Variants in DCTN2 observed in about 807,000 individuals in gnomAD.
DCTN2 encodes dynactin subunit 2.
Under a neutral mutation model 55.4 loss-of-function variants are expected in DCTN2, and 18 were observed. The observed-to-expected ratio is 0.32, with a 90% CI of 0.22 to 0.48. The LOEUF (loss-of-function observed/expected upper bound fraction) is 0.48. DCTN2 is among the 20% of genes least tolerant of loss of function. DCTN2 has a pLI of 0.99. For missense variants in DCTN2, 390 were observed against 491.0 expected (o/e 0.79, Z 1.94); for synonymous variants, 168 against 185.2 (o/e 0.91, Z 0.76).
chr12:57,537,117 G>A (rs945542570), intron 2 of DCTN2, among the ~76,000 whole-genome samples: 4 of 151,126 alleles, frequency 2.6e-5, no homozygotes, highest in African/African-American at 9.7e-5. Context: ...GCCAAGGCGG[G>A]TGGATCTCAG....
rs576440173 is a variant in DCTN2, at chr12:57,547,022, A to G, written c.36+6T>C. 1 of 1,289,994 alleles carries G rather than the reference A, an allele frequency of 7.8e-7. No homozygotes were observed. The highest frequency in any genetic ancestry group is 3.4e-5 in the Admixed American group (1 of 29,148). The allele number at this position is 1,289,994 out of a possible 1,614,324, so 79.9% of individuals were successfully genotyped here. A position where few individuals can be genotyped will look rare whatever the true frequency, so the allele number is the denominator to read the frequency against. ...CCTGGGGAGCCGGGGCCGGTCCTGT[A>G]CTCACAATGCCGGGAAGGTCGGCGT... On this transcript the variant is annotated splice_donor_region_variant and intron_variant, in intron 1 of 13. Coordinates refer to ENST00000548249, the MANE Select transcript of DCTN2 (RefSeq NM_001261413.2).
At chr12:57,541,410 G>A in intron 2 of DCTN2, 1 of 1,598,326 alleles carries the variant, frequency 6.3e-7, no homozygotes, top group East Asian at 2.2e-5. Context: ...GGAGGATGGG[G>A]GAAGCATTAG....
chr12:57,540,304 A>G (rs1880593363), intron 2 of DCTN2, among the ~76,000 whole-genome samples: 2 of 152,258 alleles, frequency 1.3e-5, no homozygotes, highest in Non-Finnish European at 2.9e-5. Flanking sequence ...GATTGGGCAG[A>G]ATAGGGAGGA....
intron 3 of DCTN2, 22 bp from the exon 4 acceptor site, chr12:57,535,567 A>G (rs756392546): frequency 6.2e-7 from 1 of 1,613,828 alleles, no homozygotes; most frequent in Non-Finnish European, 8.5e-7. Flanking sequence ...AGAAGATGGA[A>G]CTGAGGGCCT....
rs540228930 is a variant in DCTN2 at position 57,534,498 on chromosome 12, A to G, written c.364-46T>C. On this transcript the variant is annotated intron_variant, in intron 5 of 13. Transcript: ENST00000548249. ...AATCGGGGGATGGCAAGAATGAATCAAGAAGCAAAAAAATAGGTCAAGCCC... is the reference window on the plus strand; with the variant it reads ...AATCGGGGGATGGCAAGAATGAATCGAGAAGCAAAAAAATAGGTCAAGCCC... 1.1e-5 allele frequency: 17 copies of G among 1,550,890 alleles called. No homozygotes were observed. In the Admixed American group the frequency reaches 2.5e-4, roughly 23 times the overall value.
chr12:57,542,169 AG>A (rs533888711), intron 2 of DCTN2, among the ~76,000 whole-genome samples: 3 of 152,016 alleles, frequency 2.0e-5, no homozygotes, highest in Non-Finnish European at 4.4e-5. Flanking sequence ...CCAGCTACTC[AG>A]GAGGCTGAGG....
chr12:57,535,295 C>T, intron 4 of DCTN2, 141 bp from the exon 5 acceptor site: 1 of 973,188 alleles, frequency 1.0e-6, no homozygotes, highest in South Asian at 1.6e-5. Flanking sequence ...GAACTGAGGA[C>T]AGCTAGAGGG....
At chr12:57,542,222 G>C (rs1442708117) in intron 2 of DCTN2, among the ~76,000 whole-genome samples, 1 of 151,788 alleles carries the variant, frequency 6.6e-6, no homozygotes. Flanking sequence ...GTTACAGTGA[G>C]CTGAGATCAC....
chr12:57,546,158 C>T lies in DCTN2; in HGVS notation c.37-62G>A. On this transcript the variant is annotated intron_variant, in intron 1 of 13. Transcript: ENST00000548249. The stretch of plus-strand genomic sequence containing the variant: ...CCAGCATCCAACAACACCCCTTCCC[C>T]CACTCCATTTGAATAAGCTAACAGA... The T allele has an allele frequency of 4.7e-6, 7 of 1,485,910 alleles. No individual in the cohort carries two copies. The South Asian group carries it at 7.9e-5, about 17-fold the overall frequency. 92.0% of individuals were successfully genotyped at this position (1,485,910 alleles called of 1,614,324 possible).
At chr12:57,540,895 A>G (rs1180337719) in intron 2 of DCTN2, among the ~76,000 whole-genome samples, 1 of 152,256 alleles carries the variant, frequency 6.6e-6, no homozygotes, top group Admixed American at 6.5e-5. Context: ...GGGAATATTA[A>G]AATGAGTTTT....
At position 57,532,410 on chromosome 12, in the gene DCTN2, G is replaced by A. The variant is rs1879818049; in HGVS notation, c.925-95C>T. On this transcript the variant is annotated intron_variant, in intron 11 of 13. Coordinates refer to ENST00000548249, the MANE Select transcript of DCTN2 (RefSeq NM_001261413.2). ...TCACCGTAATGGGGGAAAGGATCAA[G>A]TGGGCAGAGGGAAGCAGTGCCCTGA... The A allele has an allele frequency of 3.0e-6, 4 of 1,355,374 alleles. No homozygotes were observed. The Admixed American group carries it at 5.9e-5, about 20-fold the overall frequency. 84.0% of individuals were successfully genotyped at this position (1,355,374 alleles called of 1,614,324 possible). A position where few individuals can be genotyped will look rare whatever the true frequency, so the allele number is the denominator to read the frequency against.
intron 2 of DCTN2, chr12:57,540,141 G>A (rs1210976001): frequency 1.0e-6 from 1 of 984,826 alleles, no homozygotes; most frequent in Non-Finnish European, 1.2e-6. Context: ...TAGAGTGGGT[G>A]TAAGCACCCA....
At chr12:57,541,706 G>A (rs1463859919) in intron 2 of DCTN2, among the ~76,000 whole-genome samples, 1 of 152,186 alleles carries the variant, frequency 6.6e-6, no homozygotes, top group Non-Finnish European at 1.5e-5. Flanking sequence ...AAAGCCATGA[G>A]CAGAAAGCCT....
chr12:57,532,859 G>T, intron 9 of DCTN2, 49 bp from the exon 10 acceptor site: 2 of 1,608,300 alleles, frequency 1.2e-6, no homozygotes, highest in Non-Finnish European at 1.7e-6. Context: ...AGGCAGACTA[G>T]CAAGAGGCCT....
Position 57,535,735 on chromosome 12 carries a change from C to T in DCTN2, c.202+14G>A. ...TCCAGTCTTCCCCCCACCCAGCTTC[C>T]AGCCCAGTCTCACCAAGTCCCTTTG... On this transcript the variant is annotated intron_variant, in intron 3 of 13. Coordinates refer to ENST00000548249, the MANE Select transcript of DCTN2 (RefSeq NM_001261413.2). 1.2e-6 allele frequency: 2 copies of T among 1,609,214 alleles called. No individual in the cohort carries two copies. Among genetic ancestry groups the T allele is most frequent in the Non-Finnish European group, 1.7e-6 (2 of 1,175,676 alleles).
intron 2 of DCTN2, among the ~76,000 whole-genome samples, chr12:57,539,343 AG>A (rs1880505405): frequency 6.6e-6 from 1 of 152,252 alleles, no homozygotes; most frequent in Admixed American, 6.5e-5. Context: ...ACTTACACAG[AG>A]GGTCCAGGGG....
chr12:57,541,445 C>T (rs1026700656), intron 2 of DCTN2: 21 of 1,474,854 alleles, frequency 1.4e-5, no homozygotes, highest in South Asian at 4.5e-5. Flanking sequence ...AGTTCAAGTG[C>T]GCCAACAGTC....
Position 57,533,135 on chromosome 12 carries a change from A to G in DCTN2, c.735+103T>C. On this transcript the variant is annotated intron_variant, in intron 8 of 13. Transcript: ENST00000548249. ...CCCACTAGCTGATCCCTGTAACTGA[A>G]GCCCTTTGATGACTCCTCCCAGGCT... is the stretch of plus-strand genomic sequence containing the variant. 3.2e-6 allele frequency: 5 copies of G among 1,563,790 alleles called. No homozygotes were observed. The South Asian group carries it at 3.4e-5, about 11-fold the overall frequency.
chr12:57,532,629 C>T lies in DCTN2; in HGVS notation c.867G>A (p.Lys289=). The change falls in exon 11 of 14, where the codon AAG becomes AAA. Residue 289 remains lysine, a synonymous_variant. Coordinates refer to ENST00000548249, the MANE Select transcript of DCTN2 (RefSeq NM_001261413.2). ...CTTTATGCTTGGCAATCTCGTTCACCTTTCCCAGGACACTCTGAAAACACA... is the reference window on the plus strand; with the variant it reads ...CTTTATGCTTGGCAATCTCGTTCACTTTTCCCAGGACACTCTGAAAACACA... The part of the protein sequence containing the change: ...VEARLQSVLG[K]VNEIAKHKAS... 6.2e-7 allele frequency: 1 copy of T among 1,613,968 alleles called. No homozygotes were observed. The highest frequency in any genetic ancestry group is 8.5e-7 in the Non-Finnish European group (1 of 1,179,896).
Sources: allele counts gnomAD v4.1 joint callset (sites outside exome capture counted in the v4.1 genomes callset), GRCh38; gene constraint gnomAD v4.1.1; transcripts MANE v1.5; gene names NCBI Gene and HGNC (gene_info 2026-07-23, HGNC 2026-07-21).